ARFIP1: variants seen among roughly 807,000 people sequenced by gnomAD.
ARFIP1 encodes the protein ARF interacting protein 1.
ARFIP1 carries 24 observed loss-of-function variants against 42.5 expected under a neutral mutation model. That is an observed-to-expected ratio of 0.57 (90% confidence interval 0.41 to 0.80). ARFIP1 has a LOEUF of 0.80. Ranked by LOEUF, ARFIP1 falls within the 30% of genes least tolerant of loss-of-function variation. The probability of loss-of-function intolerance (pLI) is 0.00; values close to 1 mark genes in which losing one functional copy is unlikely to be tolerated. For synonymous variants in ARFIP1, 141 were observed against 153.7 expected (o/e 0.92, Z 0.61); for missense variants, 354 against 434.0 (o/e 0.82, Z 1.64).
At chr4:152,811,686 G>A (rs564490017) in intron 1 of ARFIP1, among the ~76,000 whole-genome samples, 15 of 152,232 alleles carry the variant, frequency 9.9e-5, no homozygotes, top group African/African-American at 2.9e-4. Context: ...AAAAGAGATT[G>A]TTTTTATTCC....
chr4:152,876,274 C>T (rs1735322783), intron 5 of ARFIP1, among the ~76,000 whole-genome samples: 1 of 152,200 alleles, frequency 6.6e-6, no homozygotes, highest in African/African-American at 2.4e-5. Context: ...TGTTAAATGG[C>T]TCTGCCCAAA....
intron 8 of ARFIP1, among the ~76,000 whole-genome samples, chr4:152,896,094 C>T (rs1209700944): frequency 6.6e-6 from 1 of 151,378 alleles, no homozygotes; most frequent in Non-Finnish European, 1.5e-5. Flanking sequence ...TGGAAGGCTT[C>T]CCTGAGGCAG....
intron 1 of ARFIP1, among the ~76,000 whole-genome samples, chr4:152,825,843 C>T (rs1007088208): frequency 6.6e-6 from 1 of 151,962 alleles, no homozygotes; most frequent in African/African-American, 2.4e-5. Flanking sequence ...AAAAAGTGGG[C>T]AAATGACATG....
At chr4:152,800,545 A>T (rs1440406518) in intron 1 of ARFIP1, among the ~76,000 whole-genome samples, 1 of 152,218 alleles carries the variant, frequency 6.6e-6, no homozygotes. Context: ...CAAGCAAATT[A>T]GGTATATTTT....
intron 1 of ARFIP1, among the ~76,000 whole-genome samples, chr4:152,783,330 A>G (rs1344806709): frequency 6.6e-6 from 1 of 152,172 alleles, no homozygotes; most frequent in Non-Finnish European, 1.5e-5. Context: ...TCAACAACAG[A>G]CTAGCTTATG....
In ARFIP1 at chr4:152,889,547, G is replaced by A. The variant is rs11722754; in HGVS notation, c.966+1240G>A. On this transcript the variant is annotated intron_variant, in intron 8 of 8. Coordinates refer to ENST00000353617, the MANE Select transcript of ARFIP1 (RefSeq NM_001025595.3). ...TATATATATATATACACCTATTTTT[G>A]TGTGTGTGTGTATATTTATGTGTAT... Among the ~76,000 whole-genome samples the A allele has an allele frequency of 2.7e-5, 3 of 110,268 alleles. No homozygotes were observed. The East Asian group carries it at 7.5e-4, about 28-fold the overall frequency. 72.3% of individuals were successfully genotyped at this position (110,268 alleles called of 152,430 possible). A position where few individuals can be genotyped will look rare whatever the true frequency, so the allele number is the denominator to read the frequency against.
intron 1 of ARFIP1, among the ~76,000 whole-genome samples, chr4:152,820,215 G>A (rs913520882): frequency 6.6e-6 from 1 of 151,512 alleles, no homozygotes; most frequent in Non-Finnish European, 1.5e-5. Context: ...GCCCACCATT[G>A]CAGTATTGCA....
intron 1 of ARFIP1, among the ~76,000 whole-genome samples, chr4:152,804,460 A>G (rs1176289728): frequency 9.1e-6 from 1 of 109,664 alleles, no homozygotes; most frequent in Non-Finnish European, 1.7e-5. Flanking sequence ...TATTATATAT[A>G]ATATATAATA....
intron 5 of ARFIP1, among the ~76,000 whole-genome samples, chr4:152,877,132 G>T (rs1355281512): frequency 1.3e-5 from 2 of 152,250 alleles, no homozygotes; most frequent in East Asian, 3.9e-4. Flanking sequence ...TGAGAAGAGG[G>T]CCACCATCCT....
At chr4:152,905,647 G>A (rs1738293297) in intron 8 of ARFIP1, among the ~76,000 whole-genome samples, 1 of 140,222 alleles carries the variant, frequency 7.1e-6, no homozygotes, top group African/African-American at 2.7e-5. Context: ...CCACCTCCCG[G>A]GTTCAAGCGA....
intron 8 of ARFIP1, 29 bp downstream of exon 8, chr4:152,888,336 T>A: frequency 6.7e-7 from 1 of 1,498,012 alleles, no homozygotes; most frequent in Non-Finnish European, 9.0e-7. Context: ...AAGGTCTTTC[T>A]GTGGACTTTG....
intron 1 of ARFIP1, among the ~76,000 whole-genome samples, chr4:152,785,045 A>G (rs1212310886): frequency 6.6e-6 from 1 of 152,170 alleles, no homozygotes; most frequent in African/African-American, 2.4e-5. Context: ...GATACTCATC[A>G]TGGCACACAT....
chr4:152,894,310 C>T (rs1050777722), intron 8 of ARFIP1, among the ~76,000 whole-genome samples: 2 of 151,784 alleles, frequency 1.3e-5, no homozygotes, highest in African/African-American at 4.8e-5. Flanking sequence ...GTATTCTTTG[C>T]TTACTAAAAC....
At chr4:152,789,350 A>T (rs561861715) in intron 1 of ARFIP1, among the ~76,000 whole-genome samples, 1 of 152,198 alleles carries the variant, frequency 6.6e-6, no homozygotes, top group East Asian at 1.9e-4. Flanking sequence ...TCAGCCTCCC[A>T]AAGTGTTGGG....
At chr4:152,842,973 G>T (rs1294871079) in intron 2 of ARFIP1, among the ~76,000 whole-genome samples, 1 of 152,018 alleles carries the variant, frequency 6.6e-6, no homozygotes, top group Admixed American at 6.5e-5. Context: ...GTGATTTTTT[G>T]GGGGGATGTT....
chr4:152,781,222 C>T (rs1730465933), intron 1 of ARFIP1, among the ~76,000 whole-genome samples: 3 of 142,830 alleles, frequency 2.1e-5, no homozygotes, highest in East Asian at 4.1e-4. Context: ...AGGAATTGGC[C>T]TTTTCTTTTT....
chr4:152,899,266 A>G (rs977164307), intron 8 of ARFIP1, among the ~76,000 whole-genome samples: 3 of 152,194 alleles, frequency 2.0e-5, no homozygotes, highest in Non-Finnish European at 4.4e-5. Flanking sequence ...GAGAAGTTAT[A>G]GGATGGGTAA....
intron 1 of ARFIP1, among the ~76,000 whole-genome samples, chr4:152,780,754 G>T (rs868371716): frequency 1.3e-5 from 2 of 152,218 alleles, no homozygotes; most frequent in Admixed American, 6.5e-5. Context: ...TTTGGAAAGG[G>T]AGTTGTTCGA....
At chr4:152,828,077 A>G (rs1380013824) in intron 1 of ARFIP1, among the ~76,000 whole-genome samples, 1 of 152,218 alleles carries the variant, frequency 6.6e-6, no homozygotes, top group African/African-American at 2.4e-5. Flanking sequence ...TTATGTATGT[A>G]CCACATTTTA....
Sources: gnomAD v4.1 joint callset for allele counts (sites outside exome capture counted in the v4.1 genomes callset) on GRCh38, gnomAD v4.1.1 for gene constraint, MANE v1.5 for transcripts, NCBI Gene and HGNC (gene_info 2026-07-23, HGNC 2026-07-21) for gene names.